The following UGT1A7 variants were observed in gnomAD, a reference collection of about 807,000 sequenced individuals.
UGT1A7 encodes the protein UDP glucuronosyltransferase family 1 member A7.
In UGT1A7, 33 loss-of-function variants were observed where a neutral mutation model predicts 45.6. The observed-to-expected ratio is 0.72, with a 90% CI of 0.55 to 0.97. The LOEUF (loss-of-function observed/expected upper bound fraction) is 0.97, where lower values mean the gene tolerates loss of function less well. Among genes scored for constraint, UGT1A7 ranks in the 50% least tolerant of loss-of-function variants. UGT1A7 has a pLI of 0.00. For synonymous variants in UGT1A7, 274 were observed against 250.6 expected (o/e 1.09, Z -0.88); for missense variants, 684 against 666.2 (o/e 1.03, Z -0.29).
rs145239529 is a variant in UGT1A7, at chr2:233,769,464, CGT to C, written c.1295+1039_1295+1040del. ...GGGTGCACACGTGTGCATTCATATGCGTGTGTGTGTGTGTGCGTGTGTTTATG... is the reference window on the plus strand; with the variant it reads ...GGGTGCACACGTGTGCATTCATATGCGTGTGTGTGTGTGCGTGTGTTTATG... On this transcript the variant is annotated intron_variant, in intron 4 of 4. Transcript: ENST00000373426. The surrounding 1 kb of genome is among the most constrained non-coding windows in gnomAD (Gnocchi z 4.4). 2,957 of 1,414,482 alleles carry C rather than the reference CGT, an allele frequency of 2.1e-3. No individual in the cohort carries two copies. Among genetic ancestry groups the C allele is most frequent in the Admixed American group, 4.4e-3 (235 of 53,304 alleles). The allele number at this position is 1,414,482 out of a possible 1,614,324, so 87.6% of individuals were successfully genotyped here. A position where few individuals can be genotyped will look rare whatever the true frequency, so the allele number is the denominator to read the frequency against.
intron 1 of UGT1A7, among the ~76,000 whole-genome samples, chr2:233,709,348 T>A (rs1575490597): frequency 1.3e-5 from 2 of 152,346 alleles, no homozygotes; most frequent in South Asian, 2.1e-4. Flanking sequence ...ATAAACCTAT[T>A]ACTATATAGA....
intron 1 of UGT1A7, among the ~76,000 whole-genome samples, chr2:233,694,798 TC>T (rs2075241848): frequency 1.3e-5 from 2 of 152,218 alleles, no homozygotes; most frequent in Non-Finnish European, 2.9e-5. Context: ...CTGAAATGGT[TC>T]CAGGGATTCT....
At chr2:233,684,386 C>T (rs868296633) in intron 1 of UGT1A7, among the ~76,000 whole-genome samples, 5 of 152,276 alleles carry the variant, frequency 3.3e-5, no homozygotes, top group Middle Eastern at 3.4e-3. Context: ...TCAATTACAG[C>T]ACCAGCCATC....
intron 1 of UGT1A7, chr2:233,713,941 T>A: frequency 6.2e-7 from 1 of 1,610,292 alleles, no homozygotes; most frequent in Non-Finnish European, 8.5e-7. Context: ...TGCTTCCATA[T>A]CTACTTATCT....
rs560254383 is a variant in UGT1A7, at chr2:233,682,429, C to G, written c.492C>G (p.Pro164=). Residue 164 remains proline (P), a synonymous_variant, in exon 1 of 5, where the codon CCC becomes CCG. Transcript: ENST00000373426. Reference sequence around the variant, plus strand: ...TTGTTGCCAAATATTTCTCCCTCCCCTCTGTGGTCTTCGCCAGGGGAATAT... The same window carrying G: ...TTGTTGCCAAATATTTCTCCCTCCCGTCTGTGGTCTTCGCCAGGGGAATAT... ...GLIVAKYFSL[P]SVVFARGIFC... is the part of the protein sequence containing the mutation. 4.3e-6 allele frequency: 7 copies of G among 1,613,794 alleles called. No individual in the cohort carries two copies. In the African/African-American group the frequency reaches 9.3e-5, roughly 22 times the overall value.
chr2:233,773,246 T>C lies in UGT1A7; in HGVS notation c.*687T>C, dbSNP rs1484380021. 6.6e-6 allele frequency: 1 copy of C among 152,366 alleles called. No homozygotes were observed. The highest frequency in any genetic ancestry group is 6.5e-5 in the Admixed American group (1 of 15,284). The allele number at this position is 152,366 out of a possible 1,614,324, so 9.4% of individuals were successfully genotyped here. The stretch of plus-strand genomic sequence containing the variant: ...TATGAAGTGCTGGGCAAGTTTACTT[T>C]TTTTCTGATGTTTCCTACAACTAAA... On this transcript the variant is annotated 3_prime_UTR_variant, in exon 5 of 5. Coordinates refer to ENST00000373426, the MANE Select transcript of UGT1A7 (RefSeq NM_019077.3).
At chr2:233,744,873 T>C (rs991695756) in intron 1 of UGT1A7, among the ~76,000 whole-genome samples, 13 of 151,922 alleles carry the variant, frequency 8.6e-5, no homozygotes, top group African/African-American at 3.2e-4. Context: ...AAGGGATTAG[T>C]TTAGGACAAC....
chr2:233,760,186 C>A (rs1697340087), intron 1 of UGT1A7: 1 of 1,558,560 alleles, frequency 6.4e-7, no homozygotes, highest in African/African-American at 1.4e-5. Flanking sequence ...TTTTTATAGT[C>A]ACGTGACACA....
chr2:233,736,824 CTT>C (rs2078816334), intron 1 of UGT1A7, among the ~76,000 whole-genome samples: 1 of 152,316 alleles, frequency 6.6e-6, no homozygotes, highest in South Asian at 2.1e-4. Context: ...TCCAGATGCT[CTT>C]TGCTTTGGTA....
At chr2:233,716,140 C>CT (rs1193699250) in intron 1 of UGT1A7, among the ~76,000 whole-genome samples, 1 of 152,160 alleles carries the variant, frequency 6.6e-6, no homozygotes, top group African/African-American at 2.4e-5. Flanking sequence ...TTCCATGGCC[C>CT]TTTTCCATTT....
chr2:233,707,436 T>G (rs186781639), intron 1 of UGT1A7, among the ~76,000 whole-genome samples: 70 of 152,298 alleles, frequency 4.6e-4, no homozygotes, highest in Non-Finnish European at 8.1e-4. Context: ...TGCTTTTCTT[T>G]ACAATTTTGC....
chr2:233,707,415 G>T (rs183543704), intron 1 of UGT1A7, among the ~76,000 whole-genome samples: 1 of 151,836 alleles, frequency 6.6e-6, no homozygotes, highest in Non-Finnish European at 1.5e-5. Context: ...TCTCTCCCTC[G>T]ACTATTTCTT....
At chr2:233,730,860 C>A (rs1179282206) in intron 1 of UGT1A7, among the ~76,000 whole-genome samples, 1 of 152,164 alleles carries the variant, frequency 6.6e-6, no homozygotes, top group Non-Finnish European at 1.5e-5. Context: ...CAAACCCACC[C>A]TACTGCACTC....
chr2:233,697,173 G>A (rs981412328), intron 1 of UGT1A7, among the ~76,000 whole-genome samples: 1 of 152,010 alleles, frequency 6.6e-6, no homozygotes, highest in Non-Finnish European at 1.5e-5. Context: ...TTTTAAAAAT[G>A]GTTGGTAGAA....
rs1466674217 is a variant in UGT1A7, at chr2:233,693,368, T to C, written c.855+10576T>C. The C allele has an allele frequency of 3.7e-6, 6 of 1,614,104 alleles. No homozygotes were observed. In the African/African-American group the frequency reaches 8.0e-5, roughly 22 times the overall value. On this transcript the variant is annotated intron_variant, in intron 1 of 4. Transcript: ENST00000373426. ...GAATAACATGATTGTTATTGGCCTG[T>C]ACTTCATCAACTGCCAGAGCCTCCT...
intron 1 of UGT1A7, among the ~76,000 whole-genome samples, chr2:233,725,678 A>C (rs28899189): frequency 0.068 from 10,401 of 152,238 alleles, 505 homozygotes; most frequent in East Asian, 0.2. Flanking sequence ...GTCACATTTC[A>C]AGTGCTCAAT....
At chr2:233,761,638 C>T (rs769742430) in intron 1 of UGT1A7, among the ~76,000 whole-genome samples, 2 of 152,230 alleles carry the variant, frequency 1.3e-5, no homozygotes, top group African/African-American at 2.4e-5. Context: ...TCCTGCAGTC[C>T]GTTCTCTTCT....
rs1387531688 is a variant in UGT1A7 at position 233,769,376 on chromosome 2, C to T, written c.1295+937C>T. On this transcript the variant is annotated intron_variant, in intron 4 of 4. Transcript: ENST00000373426. The surrounding 1 kb of genome is among the most constrained non-coding windows in gnomAD (Gnocchi z 4.4). ...AGTGGTGGCCAGTGGTAGATTTCAT[C>T]CGACAATAGATACTGTGTGCATATG... Among the ~76,000 whole-genome samples the T allele has an allele frequency of 6.6e-6, 1 of 152,162 alleles. No homozygotes were observed. The highest frequency in any genetic ancestry group is 1.5e-5 in the Non-Finnish European group (1 of 68,030).
intron 1 of UGT1A7, among the ~76,000 whole-genome samples, chr2:233,724,945 C>G (rs1463938035): frequency 1.4e-5 from 2 of 144,514 alleles, no homozygotes; most frequent in African/African-American, 5.3e-5. Context: ...GTCTGCAATC[C>G]CGGCACCTCG....
Sources: allele counts gnomAD v4.1 joint callset (sites outside exome capture counted in the v4.1 genomes callset), GRCh38; gene constraint gnomAD v4.1.1; non-coding constraint Gnocchi (gnomAD v3.1); transcripts MANE v1.5; gene names NCBI Gene and HGNC (gene_info 2026-07-23, HGNC 2026-07-21).